Variants in MCIDAS observed in about 807,000 individuals in gnomAD.
MCIDAS encodes multicilin.
Under a neutral mutation model 35.4 loss-of-function variants are expected in MCIDAS, and 23 were observed. That is an observed-to-expected ratio of 0.65 (90% CI 0.47 to 0.92). The LOEUF is 0.92. MCIDAS is among the 40% of genes least tolerant of loss of function. The pLI, the probability that MCIDAS is intolerant of heterozygous loss-of-function variation, is 0.00. For missense variants in MCIDAS, 480 were observed against 531.8 expected (o/e 0.90, Z 0.96); for synonymous variants, 228 against 235.2 (o/e 0.97, Z 0.28).
At chr5:55,222,068 A>G (rs1172605351) in intron 5 of MCIDAS, 108 bp downstream of exon 5, 2 of 1,034,044 alleles carry the variant, frequency 1.9e-6, no homozygotes. Context: ...CAGTCAGTCC[A>G]CTGGTTCCGA....
chr5:55,227,087 A>G lies in MCIDAS; in HGVS notation c.52T>C (p.Cys18Arg). 1 of 1,511,622 alleles carries G rather than the reference A, an allele frequency of 6.6e-7. No individual in the cohort carries two copies. The highest frequency in any genetic ancestry group is 8.8e-7 in the Non-Finnish European group (1 of 1,137,116). The allele number at this position is 1,511,622 out of a possible 1,614,324, so 93.6% of individuals were successfully genotyped here. A position where few individuals can be genotyped will look rare whatever the true frequency, so the allele number is the denominator to read the frequency against. The change falls in exon 1 of 7, where the codon TGC (cysteine) becomes CGC (arginine). Residue 18 changes from cysteine (C) to arginine (R), a missense_variant. Cys to Arg is a radical substitution (Grantham distance 180). Coordinates refer to ENST00000513312, the MANE Select transcript of MCIDAS (RefSeq NM_001190787.3). ...AAGRRAFDSI[C>R]PNRMLALPGR... is the part of the protein sequence containing the mutation. ...GGCAGTGCCAGCATTCTGTTGGGGCAGATGCTGTCGAAGGCCCGACGGCCG... is the reference window on the plus strand; with the variant it reads ...GGCAGTGCCAGCATTCTGTTGGGGCGGATGCTGTCGAAGGCCCGACGGCCG...
chr5:55,222,018 C>A (rs953537181), intron 5 of MCIDAS, among the ~76,000 whole-genome samples, 158 bp downstream of exon 5: 3 of 152,114 alleles, frequency 2.0e-5, no homozygotes, highest in Non-Finnish European at 4.4e-5. Context: ...AATTTGGAAA[C>A]AGGTGGAGCC....
In MCIDAS at chr5:55,222,950, C is replaced by T; in HGVS notation, c.382+1G>A. ...TTTAACTGCCAGGAGACTGCACTTG[C>T]CTGAAATGAGATCATCCACCGTGTC... On this transcript the variant is annotated splice_donor_variant, in intron 4 of 6. Coordinates refer to ENST00000513312, the MANE Select transcript of MCIDAS (RefSeq NM_001190787.3). LOFTEE classifies it high-confidence loss of function. 6.5e-7 allele frequency: 1 copy of T among 1,535,948 alleles called. No homozygotes were observed. The highest frequency in any genetic ancestry group is 8.7e-7 in the Non-Finnish European group (1 of 1,146,780).
intron 5 of MCIDAS, among the ~76,000 whole-genome samples, chr5:55,221,814 A>C (rs1194235172): frequency 6.6e-6 from 1 of 152,004 alleles, no homozygotes; most frequent in Non-Finnish European, 1.5e-5. Flanking sequence ...AATCCCAGCT[A>C]CTTGGGAGGC....
In MCIDAS at chr5:55,220,425, T is replaced by G. The variant is rs2111688735; in HGVS notation, c.1099A>C (p.Asn367His). ...TTGGCTGTTCTGATGGTGAAGGCAT[T>G]GCCCTGGGGGAAGGCGAGGGTGCGG... ...TIRTLAFPQG[N>H]AFTIRTANGG... is the part of the protein sequence containing the mutation. The change falls in exon 7 of 7, where the codon AAT becomes CAT. Residue 367 changes from asparagine to histidine, a missense_variant. Coordinates refer to ENST00000513312, the MANE Select transcript of MCIDAS (RefSeq NM_001190787.3). 4 of 1,536,072 alleles carry G rather than the reference T, an allele frequency of 2.6e-6. No homozygotes were observed. The highest frequency in any genetic ancestry group is 2.4e-5 in the East Asian group (1 of 40,908).
Position 55,226,642 on chromosome 5 carries a change from G to A in MCIDAS, c.243C>T (p.Asp81=). 3 of 1,532,370 alleles carry A rather than the reference G, an allele frequency of 2.0e-6. No individual in the cohort carries two copies. The highest frequency in any genetic ancestry group is 2.6e-6 in the Non-Finnish European group (3 of 1,145,146). 94.9% of individuals were successfully genotyped at this position (1,532,370 alleles called of 1,614,324 possible). The part of the protein sequence containing the change: ...LPALTTIDLQ[D]LADCSSLLGS... ...CGAGTAGCGAAGAGCAGTCAGCGAG[G>A]TCCTGCAGGTCTATGGTGGTGAGGG... Residue 81 remains aspartate, a synonymous_variant, in exon 3 of 7, where the codon GAC becomes GAT. Transcript: ENST00000513312.
chr5:55,222,441 G>T, intron 4 of MCIDAS, 42 bp from the exon 5 acceptor site: 1 of 1,428,000 alleles, frequency 7.0e-7, no homozygotes, highest in East Asian at 2.5e-5. Context: ...TCAAATTCAT[G>T]CCCAGCTAGT....
At position 55,227,206 on chromosome 5, in the gene MCIDAS, C is replaced by T. The variant is rs1745475912; in HGVS notation, c.-68G>A. The stretch of plus-strand genomic sequence containing the variant: ...CCCGGGCTGGGGCAGCGATCCACAC[C>T]CTGCACTCCCTTCAGTGCCTGCAGG... On this transcript the variant is annotated 5_prime_UTR_variant, in exon 1 of 7. Transcript: ENST00000513312. 2.9e-6 allele frequency: 4 copies of T among 1,387,318 alleles called. No homozygotes were observed. The highest frequency in any genetic ancestry group is 1.6e-5 in the South Asian group (1 of 61,042). The allele number at this position is 1,387,318 out of a possible 1,614,324, so 85.9% of individuals were successfully genotyped here.
Position 55,220,594 on chromosome 5 carries a change from C to T in MCIDAS, c.930G>A (p.Ala310=), listed in dbSNP as rs1047248559. Residue 310 remains alanine (A), a synonymous_variant, in exon 7 of 7, where the codon GCG becomes GCA. Coordinates refer to ENST00000513312, the MANE Select transcript of MCIDAS (RefSeq NM_001190787.3). ...GGTTCCCGGGCCTGGTGTCAGTATT[C>T]GCGGGCTCTGGCAGCAGTCGGGGCC... The part of the protein sequence containing the change: ...PKRPRLLPEP[A]NTDTRPGNLH... 40 of 1,535,990 alleles carry T rather than the reference C, an allele frequency of 2.6e-5. No homozygotes were observed. Among genetic ancestry groups the T allele is most frequent in the Non-Finnish European group, 3.5e-5 (40 of 1,146,890 alleles).
chr5:55,227,173 G>C lies in MCIDAS; in HGVS notation c.-35C>G, dbSNP rs1200599654. 13 of 1,405,732 alleles carry C rather than the reference G, an allele frequency of 9.2e-6. No individual in the cohort carries two copies. Among genetic ancestry groups the C allele is most frequent in the Admixed American group, 3.1e-5 (1 of 31,856 alleles). The allele number at this position is 1,405,732 out of a possible 1,614,324, so 87.1% of individuals were successfully genotyped here. On this transcript the variant is annotated 5_prime_UTR_variant, in exon 1 of 7. Transcript: ENST00000513312. ...TGCCTCCGGGTGCCGACTGCTCGGA[G>C]GCGGCGGCCCGGGCTGGGGCAGCGA...
At chr5:55,225,285 A>G (rs1482845081) in intron 3 of MCIDAS, among the ~76,000 whole-genome samples, 2 of 152,242 alleles carry the variant, frequency 1.3e-5, no homozygotes, top group Non-Finnish European at 2.9e-5. Flanking sequence ...CATTTCTCCA[A>G]CTACAAATGC....
rs1484403354 is a variant in MCIDAS at position 55,223,007 on chromosome 5, G to C, written c.326C>G (p.Thr109Arg). ...ATCTTGCAGATTGAAGTCTGCTTCC[G>C]TTTGGTGGGAATGGTTCTGAAAAAA... is the stretch of plus-strand genomic sequence containing the variant. ...LAASQNHSHQ[T>R]EADFNLQDFR... The change falls in exon 4 of 7, where the codon ACG becomes AGG. Residue 109 changes from threonine (T) to arginine (R), a missense_variant. Transcript: ENST00000513312. This position sits in a 1 kb window ranked among gnomAD's most constrained non-coding sequence, Gnocchi z 4.4. 3.9e-6 allele frequency: 6 copies of C among 1,535,994 alleles called. No homozygotes were observed. The highest frequency in any genetic ancestry group is 5.2e-6 in the Non-Finnish European group (6 of 1,146,910).
chr5:55,220,273 AG>A lies in MCIDAS; in HGVS notation c.*92del. ...GCTTTTGTTCCTGAAAAAGTGTTTC[AG>A]GGTGGCATTCAACCTGAAGGCAAAG... On this transcript the variant is annotated 3_prime_UTR_variant, in exon 7 of 7. Coordinates refer to ENST00000513312, the MANE Select transcript of MCIDAS (RefSeq NM_001190787.3). 1 of 1,222,562 alleles carries A rather than the reference AG, an allele frequency of 8.2e-7. No homozygotes were observed. Among genetic ancestry groups the A allele is most frequent in the East Asian group, 2.6e-5 (1 of 38,868 alleles). 75.7% of individuals were successfully genotyped at this position (1,222,562 alleles called of 1,614,324 possible).
chr5:55,222,988 C>T lies in MCIDAS; in HGVS notation c.345G>A (p.Leu115=). The T allele has an allele frequency of 6.5e-7, 1 of 1,536,128 alleles. No individual in the cohort carries two copies. The highest frequency in any genetic ancestry group is 2.0e-5 in the Admixed American group (1 of 51,002). Residue 115 remains leucine, a synonymous_variant, in exon 4 of 7, where the codon CTG becomes CTA. Coordinates refer to ENST00000513312, the MANE Select transcript of MCIDAS (RefSeq NM_001190787.3). ...HSHQTEADFN[L]QDFRDTVDDL... ...CATCCACCGTGTCTCTGAAATCTTG[C>T]AGATTGAAGTCTGCTTCCGTTTGGT...
chr5:55,221,133 G>A lies in MCIDAS; in HGVS notation c.607-7C>T, dbSNP rs987058405. ...GGGTCAATGTCACGTGCAGCTGCAG[G>A]AGGAGACCCAAACATTCAGGGGTAG... On this transcript the variant is annotated splice_region_variant and splice_polypyrimidine_tract_variant and intron_variant, in intron 5 of 6. Coordinates refer to ENST00000513312, the MANE Select transcript of MCIDAS (RefSeq NM_001190787.3). 2.0e-6 allele frequency: 3 copies of A among 1,534,110 alleles called. No homozygotes were observed. The highest frequency in any genetic ancestry group is 2.6e-6 in the Non-Finnish European group (3 of 1,145,114).
chr5:55,225,332 G>A (rs1222662687), intron 3 of MCIDAS, among the ~76,000 whole-genome samples: 1 of 152,224 alleles, frequency 6.6e-6, no homozygotes, highest in African/African-American at 2.4e-5. Context: ...GATGCCAAAT[G>A]TAGAATCTGT....
chr5:55,226,522 G>C, intron 3 of MCIDAS, 54 bp downstream of exon 3: 1 of 1,495,770 alleles, frequency 6.7e-7, no homozygotes, highest in Non-Finnish European at 8.9e-7. Flanking sequence ...CCACCACCCC[G>C]GAGGAGGGTT....
At position 55,220,787 on chromosome 5, in the gene MCIDAS, G is replaced by C. The variant is rs1745340628; in HGVS notation, c.737C>G (p.Ser246Cys). 1 of 1,529,520 alleles carries C rather than the reference G, an allele frequency of 6.5e-7. No homozygotes were observed. Among genetic ancestry groups the C allele is most frequent in the Admixed American group, 2.0e-5 (1 of 50,840 alleles). 94.7% of individuals were successfully genotyped at this position (1,529,520 alleles called of 1,614,324 possible). A position where few individuals can be genotyped will look rare whatever the true frequency, so the allele number is the denominator to read the frequency against. The change falls in exon 7 of 7, where the codon TCC becomes TGC. Residue 246 changes from serine (S) to cysteine (C), a missense_variant. By Grantham distance (112) the Ser-to-Cys change is moderately radical. Transcript: ENST00000513312. ...CTCGGCCGCCGCCCCACAATCCCGGGACTGTGTGATCATCAGCTTCTACGA... is the reference window on the plus strand; with the variant it reads ...CTCGGCCGCCGCCCCACAATCCCGGCACTGTGTGATCATCAGCTTCTACGA... Reference protein sequence around the residue: ...SVLDKLMITQSRDCGAAAEPF... With the variant: ...SVLDKLMITQCRDCGAAAEPF...
In MCIDAS at chr5:55,219,713, GATCATTACAAAC is replaced by G. The variant is rs1745315527; in HGVS notation, c.*641_*652del. On this transcript the variant is annotated 3_prime_UTR_variant, in exon 7 of 7. Coordinates refer to ENST00000513312, the MANE Select transcript of MCIDAS (RefSeq NM_001190787.3). ...CATAAATCTTCTAAATTATATGAAT[GATCATTACAAAC>G]AAATGTGCTTAGCACCTATTTTGTT... 6.6e-6 allele frequency: 1 copy of G among 152,144 alleles called. No individual in the cohort carries two copies. Among genetic ancestry groups the G allele is most frequent in the South Asian group, 2.1e-4 (1 of 4,816 alleles). 9.4% of individuals were successfully genotyped at this position (152,144 alleles called of 1,614,324 possible). A position where few individuals can be genotyped will look rare whatever the true frequency, so the allele number is the denominator to read the frequency against.
Sources: gnomAD v4.1 joint callset for allele counts (sites outside exome capture counted in the v4.1 genomes callset) on GRCh38, gnomAD v4.1.1 for gene constraint, Gnocchi (gnomAD v3.1) non-coding constraint, MANE v1.5 for transcripts, NCBI Gene and HGNC (gene_info 2026-07-23, HGNC 2026-07-21) for gene names.